The following C12orf75 variants were observed in gnomAD, a reference collection of about 807,000 sequenced individuals.
C12orf75 encodes overexpressed in colon carcinoma 1 protein.
A neutral mutation model predicts 11.4 loss-of-function variants in C12orf75; 4 were observed. The observed-to-expected ratio is 0.35, with a 90% CI of 0.17 to 0.80. The LOEUF (loss-of-function observed/expected upper bound fraction) is 0.80, where lower values mean the gene tolerates loss of function less well. C12orf75 is among the 30% of genes least tolerant of loss of function. The pLI is 0.52. For synonymous variants in C12orf75, 30 were observed against 30.0 expected, an observed-to-expected ratio of 1.00 and a Z score of 0.00; for missense variants, 89 against 80.4, an observed-to-expected ratio of 1.11 and a Z score of -0.41.
chr12:105,365,907 C>T, intron 3 of C12orf75, 65 bp downstream of exon 3: 1 of 976,820 alleles, frequency 1.0e-6, no homozygotes. Flanking sequence ...GGATTTAACA[C>T]ACTGTAGCAT....
At position 105,351,451 on chromosome 12, in the gene C12orf75, G is replaced by A. The variant is rs184269805; in HGVS notation, c.71+2825G>A. Among the ~76,000 whole-genome samples the A allele has an allele frequency of 4.6e-3, 703 of 152,048 alleles. 9 individuals are homozygous for A. The highest frequency in any genetic ancestry group is 0.016 in the African/African-American group (668 of 41,476). ...GAAAGGTCTGCAATTTTTACTACTC[G>A]TTTTTCTTATTTATTTGCTGTTTTC... On this transcript the variant is annotated intron_variant, in intron 2 of 5. Coordinates refer to ENST00000443585, the MANE Select transcript of C12orf75 (RefSeq NM_001145199.2).
intron 5 of C12orf75, among the ~76,000 whole-genome samples, chr12:105,367,769 A>G (rs1871520972): frequency 6.6e-6 from 1 of 152,158 alleles, no homozygotes; most frequent in African/African-American, 2.4e-5. Context: ...TCTCCCTAAA[A>G]CATTGAGATC....
chr12:105,362,384 C>CA (rs35725967), intron 2 of C12orf75, among the ~76,000 whole-genome samples: 1,563 of 18,584 alleles, frequency 0.084, 301 homozygotes, highest in African/African-American at 0.2. Flanking sequence ...GACTCCGTCT[C>CA]AAAAAAAAAA....
intron 2 of C12orf75, among the ~76,000 whole-genome samples, chr12:105,360,621 C>T (rs918290048): frequency 6.6e-6 from 1 of 152,204 alleles, no homozygotes; most frequent in African/African-American, 2.4e-5. Context: ...TTGGCACTTA[C>T]ATGTGTAAGA....
At chr12:105,332,377 T>G (rs556152530) in intron 1 of C12orf75, among the ~76,000 whole-genome samples, 1 of 152,294 alleles carries the variant, frequency 6.6e-6, no homozygotes, top group South Asian at 2.1e-4. Context: ...CATTTTGATT[T>G]ATTAATGAAC....
chr12:105,360,703 G>A (rs1055310456), intron 2 of C12orf75, among the ~76,000 whole-genome samples: 3 of 152,138 alleles, frequency 2.0e-5, no homozygotes, highest in Non-Finnish European at 4.4e-5. Flanking sequence ...CCAGGCTGGA[G>A]TGCAGTGGCG....
At chr12:105,363,917 A>G (rs1006113859) in intron 2 of C12orf75, among the ~76,000 whole-genome samples, 21 of 152,232 alleles carry the variant, frequency 1.4e-4, no homozygotes, top group Admixed American at 2.6e-4. Context: ...GTTTTAAGAT[A>G]TTGAGTAATT....
chr12:105,342,371 C>T (rs1191141203), intron 1 of C12orf75, among the ~76,000 whole-genome samples: 2 of 152,216 alleles, frequency 1.3e-5, no homozygotes, highest in East Asian at 3.8e-4. Context: ...TGCGCTCTTG[C>T]TGTCTTGCCC....
In C12orf75 at chr12:105,359,855, C is replaced by T. The variant is rs149873818; in HGVS notation, c.72-5952C>T. Among the ~76,000 whole-genome samples the T allele has an allele frequency of 4.8e-3, 733 of 151,672 alleles. 13 individuals carry two copies. The highest frequency in any genetic ancestry group is 0.016 in the African/African-American group (679 of 41,346). On this transcript the variant is annotated intron_variant, in intron 2 of 5. Coordinates refer to ENST00000443585, the MANE Select transcript of C12orf75 (RefSeq NM_001145199.2). ...TGTATGTCCATTTGCTCCTTTTCTACGGGAGCAAGATTATGTTTAAACTGA... is the reference window on the plus strand; with the variant it reads ...TGTATGTCCATTTGCTCCTTTTCTATGGGAGCAAGATTATGTTTAAACTGA...
intron 5 of C12orf75, among the ~76,000 whole-genome samples, chr12:105,370,262 G>A (rs1214959916): frequency 6.6e-6 from 1 of 152,236 alleles, no homozygotes; most frequent in Non-Finnish European, 1.5e-5. Flanking sequence ...GCCATGTAAT[G>A]TGGAGGCCTA....
intron 2 of C12orf75, among the ~76,000 whole-genome samples, chr12:105,359,931 C>T (rs1892837473): frequency 6.6e-6 from 1 of 152,116 alleles, no homozygotes; most frequent in Non-Finnish European, 1.5e-5. Context: ...TGATCAAGTG[C>T]AGCAGGACAG....
At chr12:105,363,174 A>G (rs1204830299) in intron 2 of C12orf75, among the ~76,000 whole-genome samples, 1 of 152,268 alleles carries the variant, frequency 6.6e-6, no homozygotes, top group South Asian at 2.1e-4. Flanking sequence ...TATGAATTAC[A>G]TGGCTTTCTG....
At chr12:105,340,253 A>G (rs576658110) in intron 1 of C12orf75, among the ~76,000 whole-genome samples, 2 of 151,532 alleles carry the variant, frequency 1.3e-5, no homozygotes, top group South Asian at 4.2e-4. Flanking sequence ...GTGAAACCCC[A>G]TCTCTACTAA....
intron 1 of C12orf75, among the ~76,000 whole-genome samples, chr12:105,333,100 G>A (rs1318415116): frequency 6.6e-6 from 1 of 152,106 alleles, no homozygotes; most frequent in African/African-American, 2.4e-5. Flanking sequence ...AAACATGCAG[G>A]AGACAACATG....
chr12:105,364,788 C>T (rs2116675), intron 2 of C12orf75, among the ~76,000 whole-genome samples: 37,711 of 150,756 alleles, frequency 0.25, 6,205 homozygotes, highest in East Asian at 0.67. Flanking sequence ...AGGAAAGTGT[C>T]CTGATTCTCT....
chr12:105,348,093 G>A (rs1463626357), intron 1 of C12orf75, among the ~76,000 whole-genome samples: 2 of 152,152 alleles, frequency 1.3e-5, no homozygotes, highest in African/African-American at 2.4e-5. Context: ...GCTAAGATTT[G>A]AAACTTAAAC....
At chr12:105,341,833 C>T (rs1399029178) in intron 1 of C12orf75, among the ~76,000 whole-genome samples, 1 of 152,210 alleles carries the variant, frequency 6.6e-6, no homozygotes, top group Non-Finnish European at 1.5e-5. Flanking sequence ...ATGGAGGTAA[C>T]TGAATCATGG....
At chr12:105,334,212 G>A (rs1892472402) in intron 1 of C12orf75, among the ~76,000 whole-genome samples, 1 of 152,226 alleles carries the variant, frequency 6.6e-6, no homozygotes, top group African/African-American at 2.4e-5. Context: ...CCACCCCTAT[G>A]TGGGACCTCC....
At chr12:105,370,279 C>G (rs1218065079) in intron 5 of C12orf75, among the ~76,000 whole-genome samples, 1 of 152,122 alleles carries the variant, frequency 6.6e-6, no homozygotes, top group African/African-American at 2.4e-5. Flanking sequence ...CCTAGGCTCT[C>G]CCAGGAGGTT....
Sources: allele counts gnomAD v4.1 joint callset (sites outside exome capture counted in the v4.1 genomes callset), GRCh38; gene constraint gnomAD v4.1.1; transcripts MANE v1.5; gene names NCBI Gene and HGNC (gene_info 2026-07-23, HGNC 2026-07-21).